The following SMG1 variants were observed in gnomAD, a reference collection of about 807,000 sequenced individuals.
SMG1 encodes the protein serine/threonine-protein kinase SMG1.
A neutral mutation model predicts 419.9 loss-of-function variants in SMG1; 22 were observed. The ratio of observed to expected loss-of-function variants is 0.05; its 90% CI spans 0.04 to 0.07. The LOEUF (loss-of-function observed/expected upper bound fraction) is 0.07. Among genes scored for constraint, SMG1 ranks in the 10% least tolerant of loss-of-function variants. SMG1 has a pLI of 1.00. For missense variants in SMG1, 3,185 were observed against 4,342.0 expected (o/e 0.73, Z 7.49); for synonymous variants, 1,538 against 1,553.5 (o/e 0.99, Z 0.23).
intron 61 of SMG1, 35 bp from the exon 62 acceptor site, chr16:18,811,902 G>A (rs776110873): frequency 3.2e-5 from 52 of 1,612,362 alleles, no homozygotes; most frequent in Admixed American, 2.7e-4. Context: ...AAGTCAAACC[G>A]TCATTTTATA....
intron 6 of SMG1, among the ~76,000 whole-genome samples, chr16:18,888,161 C>T (rs1353952799): frequency 2.6e-5 from 1 of 39,006 alleles, no homozygotes; most frequent in Non-Finnish European, 5.3e-5. Context: ...CAAGACTCTG[C>T]ATCAAAAAAA....
chr16:18,810,717 T>A (rs1290453330), intron 62 of SMG1, among the ~76,000 whole-genome samples: 1 of 152,200 alleles, frequency 6.6e-6, no homozygotes, highest in Non-Finnish European at 1.5e-5. Flanking sequence ...GAAATCTGAA[T>A]GTGGACTGAA....
intron 56 of SMG1, among the ~76,000 whole-genome samples, chr16:18,818,909 C>A (rs2032265841): frequency 6.6e-6 from 1 of 151,592 alleles, no homozygotes; most frequent in South Asian, 2.1e-4. Context: ...CTCTGGCTCC[C>A]AGGTTCAAGC....
intron 58 of SMG1, 76 bp from the exon 59 acceptor site, chr16:18,815,727 TTAAG>T (rs1445506538): frequency 1.6e-6 from 2 of 1,237,044 alleles, no homozygotes; most frequent in Non-Finnish European, 2.3e-6. Flanking sequence ...CACCTAGTGA[TTAAG>T]TAACAAATGT....
intron 1 of SMG1, chr16:18,911,223 G>C (rs2141964023): frequency 6.6e-6 from 1 of 152,338 alleles, no homozygotes; most frequent in Admixed American, 6.5e-5. Flanking sequence ...GTAGAAGGAG[G>C]GCAGGCATGG....
chr16:18,916,465 G>A (rs1341867944), intron 1 of SMG1, among the ~76,000 whole-genome samples: 4 of 138,132 alleles, frequency 2.9e-5, no homozygotes, highest in Non-Finnish European at 6.0e-5. Flanking sequence ...GCAGTGAGCC[G>A]AGATCCTGCC....
At chr16:18,917,168 T>C (rs558626826) in intron 1 of SMG1, among the ~76,000 whole-genome samples, 91 of 152,134 alleles carry the variant, frequency 6.0e-4, no homozygotes, top group African/African-American at 2.0e-3. Flanking sequence ...TATTTATTTT[T>C]TGAGACAGAG....
At position 18,856,673 on chromosome 16, in the gene SMG1, G is replaced by A. The variant is rs1299469248; in HGVS notation, c.4234+1497C>T. On this transcript the variant is annotated intron_variant, in intron 29 of 62. Transcript: ENST00000446231. ...TGATTTTTTAAATTCTTCTAGCAGA[G>A]ACAGGGTCTTGCTATGTTGGGTCAC... is the stretch of plus-strand genomic sequence containing the variant. 4 of 152,308 alleles carry A rather than the reference G, an allele frequency of 2.6e-5. No individual in the cohort carries two copies. The East Asian group carries it at 7.7e-4, about 29-fold the overall frequency. The allele number at this position is 152,308 out of a possible 1,614,324, so 9.4% of individuals were successfully genotyped here.
intron 29 of SMG1, among the ~76,000 whole-genome samples, chr16:18,855,252 T>A (rs2034833009): frequency 6.6e-6 from 1 of 152,196 alleles, no homozygotes; most frequent in African/African-American, 2.4e-5. Context: ...TCTCTGCCCT[T>A]CCACCATTCT....
intron 1 of SMG1, among the ~76,000 whole-genome samples, chr16:18,919,567 T>C (rs914195111): frequency 6.7e-6 from 1 of 149,610 alleles, no homozygotes; most frequent in African/African-American, 2.5e-5. Flanking sequence ...GAGCTGGCAG[T>C]GAGCCGAGAT....
chr16:18,868,005 G>A (rs551593223), intron 22 of SMG1, among the ~76,000 whole-genome samples, 185 bp downstream of exon 22: 52 of 152,220 alleles, frequency 3.4e-4, no homozygotes, highest in African/African-American at 1.2e-3. Context: ...ACCGCGCCCG[G>A]CCTATTTTAA....
intron 9 of SMG1, among the ~76,000 whole-genome samples, chr16:18,883,548 C>T (rs565711767): frequency 1.8e-4 from 28 of 152,270 alleles, no homozygotes; most frequent in Non-Finnish European, 3.7e-4. Flanking sequence ...TAAAGCTTTG[C>T]GAAATACGAA....
intron 55 of SMG1, among the ~76,000 whole-genome samples, chr16:18,819,973 TTTTTC>T (rs1462505595): frequency 6.6e-6 from 1 of 152,132 alleles, no homozygotes; most frequent in Non-Finnish European, 1.5e-5. Flanking sequence ...AATTCTTTTT[TTTTTC>T]TTTTGAGACG....
At chr16:18,853,561 A>G in intron 31 of SMG1, 22 bp downstream of exon 31, 1 of 1,512,926 alleles carries the variant, frequency 6.6e-7, no homozygotes, top group Non-Finnish European at 8.8e-7. Flanking sequence ...TTAATATTCT[A>G]AAGCTAATAA....
At position 18,854,902 on chromosome 16, in the gene SMG1, G is replaced by T. The variant is rs2034811993; in HGVS notation, c.4237C>A (p.Gln1413Lys). 9.9e-6 allele frequency: 16 copies of T among 1,612,160 alleles called. No individual in the cohort carries two copies. The highest frequency in any genetic ancestry group is 1.3e-5 in the African/African-American group (1 of 74,892). The stretch of plus-strand genomic sequence containing the variant: ...AGATGGCTTCTAATTGGGACTGTTT[G>T]TTCTGAAGAGAGGAAAACGTTTTAT... ...QNQLLEKIKE[Q>K]TVPIRSHLME... The change falls in exon 30 of 63, where the codon CAA (glutamine) becomes AAA (lysine). Residue 1413 changes from glutamine to lysine, a missense_variant and splice_region_variant. Gln to Lys is a moderately conservative substitution (Grantham distance 53). Coordinates refer to ENST00000446231, the MANE Select transcript of SMG1 (RefSeq NM_015092.5).
chr16:18,874,686 T>C lies in SMG1; in HGVS notation c.1890+1438A>G, dbSNP rs542611008. Among the ~76,000 whole-genome samples, 4 of 147,728 alleles carry C rather than the reference T, an allele frequency of 2.7e-5. No individual in the cohort carries two copies. In the South Asian group the frequency reaches 6.5e-4, roughly 24 times the overall value. Reference sequence around the variant, plus strand: ...TTTGAGACCAGCCTGGCCAACATGGTGAAACCAAGTCTCTACTAAAAATAC... The same window carrying C: ...TTTGAGACCAGCCTGGCCAACATGGCGAAACCAAGTCTCTACTAAAAATAC... On this transcript the variant is annotated intron_variant, in intron 13 of 62. Transcript: ENST00000446231.
At chr16:18,922,534 C>T (rs909863893) in intron 1 of SMG1, among the ~76,000 whole-genome samples, 25 of 152,254 alleles carry the variant, frequency 1.6e-4, no homozygotes, top group Non-Finnish European at 3.1e-4. Context: ...GGTGTGATGT[C>T]GCTCAGGACA....
At chr16:18,846,319 T>A (rs562159098) in intron 38 of SMG1, among the ~76,000 whole-genome samples, 2 of 152,290 alleles carry the variant, frequency 1.3e-5, no homozygotes, top group East Asian at 3.9e-4. Flanking sequence ...GACCCCAGAC[T>A]TGGCAATGAT....
At chr16:18,922,590 G>A (rs1370156727) in intron 1 of SMG1, among the ~76,000 whole-genome samples, 2 of 152,052 alleles carry the variant, frequency 1.3e-5, no homozygotes, top group South Asian at 2.1e-4. Flanking sequence ...TCAGCCTCCC[G>A]AGTAACTGGG....
Sources: allele counts gnomAD v4.1 joint callset (sites outside exome capture counted in the v4.1 genomes callset), GRCh38; gene constraint gnomAD v4.1.1; transcripts MANE v1.5; gene names NCBI Gene and HGNC (gene_info 2026-07-23, HGNC 2026-07-21).